ERBB4: variants seen among roughly 807,000 people sequenced by gnomAD.
The protein encoded by ERBB4 is receptor tyrosine-protein kinase erbB-4.
Under a neutral mutation model 158.0 loss-of-function variants are expected in ERBB4, and 42 were observed. That is an observed-to-expected ratio of 0.27 (90% CI 0.21 to 0.34). The LOEUF is 0.34. ERBB4 is among the 10% of genes least tolerant of loss of function. The pLI, the probability that ERBB4 is intolerant of heterozygous loss-of-function variation, is 1.00. For missense variants in ERBB4, 1,333 were observed against 1,624.1 expected (o/e 0.82, Z 3.08); for synonymous variants, 583 against 558.7 (o/e 1.04, Z -0.61).
intron 19 of ERBB4, among the ~76,000 whole-genome samples, chr2:211,580,866 C>CATATATAT (rs56892079): frequency 3.4e-4 from 22 of 64,160 alleles, no homozygotes; most frequent in Non-Finnish European, 4.4e-4. Flanking sequence ...TATGCATATA[C>CATATATAT]ATATATATAT....
At chr2:211,455,144 T>A (rs1230279324) in intron 20 of ERBB4, among the ~76,000 whole-genome samples, 1 of 152,254 alleles carries the variant, frequency 6.6e-6, no homozygotes, top group African/African-American at 2.4e-5. Context: ...GAAATTACTC[T>A]GTTTTAATAT....
Position 211,438,203 on chromosome 2 carries a change from T to A in ERBB4, c.2488-7103A>T, listed in dbSNP as rs545358482. Among the ~76,000 whole-genome samples the A allele has an allele frequency of 7.9e-5, 12 of 152,300 alleles. No homozygotes were observed. In the East Asian group the frequency reaches 2.1e-3, roughly 27 times the overall value. On this transcript the variant is annotated intron_variant, in intron 20 of 27. Coordinates refer to ENST00000342788, the MANE Select transcript of ERBB4 (RefSeq NM_005235.3). ...GGATTGGCCGAAATGATCTCTGAGG[T>A]TACTGCTAGCTTTAAATTTTTATTC...
chr2:211,857,667 C>T (rs1391230863), intron 3 of ERBB4, among the ~76,000 whole-genome samples: 2 of 152,132 alleles, frequency 1.3e-5, no homozygotes, highest in Non-Finnish European at 2.9e-5. Flanking sequence ...AGCATCCTTT[C>T]AAATAAATTA....
intron 26 of ERBB4, among the ~76,000 whole-genome samples, 164 bp from the exon 27 acceptor site, chr2:211,387,314 A>T (rs2062707466): frequency 6.6e-6 from 1 of 152,216 alleles, no homozygotes; most frequent in African/African-American, 2.4e-5. Flanking sequence ...AACTATAAAC[A>T]CCTAAAATTT....
intron 2 of ERBB4, among the ~76,000 whole-genome samples, chr2:212,083,149 ATG>A (rs1221233960): frequency 6.6e-6 from 1 of 152,076 alleles, no homozygotes; most frequent in Non-Finnish European, 1.5e-5. Flanking sequence ...AGATCAAATT[ATG>A]TCAAACAAAC....
rs1240419134 is a variant in ERBB4, at chr2:211,687,236, C to T, written c.1490-8052G>A. On this transcript the variant is annotated intron_variant, in intron 12 of 27. Transcript: ENST00000342788. ...AGAAGAATGGCGTGAACCCAGGAGG[C>T]GGAGCTTGCAGTGAGCCGAGATCGC... Among the ~76,000 whole-genome samples the T allele has an allele frequency of 3.4e-5, 5 of 147,046 alleles. No individual in the cohort carries two copies. In the East Asian group the frequency reaches 6.1e-4, roughly 18 times the overall value.
chr2:212,156,265 A>G (rs2081032887), intron 1 of ERBB4, among the ~76,000 whole-genome samples: 1 of 152,028 alleles, frequency 6.6e-6, no homozygotes, highest in Non-Finnish European at 1.5e-5. Flanking sequence ...AAGTGGGGGA[A>G]AAAAAGGAAA....
At chr2:212,137,697 C>T (rs1332943858) in intron 1 of ERBB4, among the ~76,000 whole-genome samples, 1 of 151,988 alleles carries the variant, frequency 6.6e-6, no homozygotes, top group Non-Finnish European at 1.5e-5. Flanking sequence ...CCCAGTAATG[C>T]GATTGCTGGA....
chr2:211,478,628 A>T (rs936136255), intron 20 of ERBB4, among the ~76,000 whole-genome samples: 1 of 152,174 alleles, frequency 6.6e-6, no homozygotes, highest in African/African-American at 2.4e-5. Context: ...TTAAGCAAAT[A>T]AAACACCACT....
chr2:211,985,855 T>C (rs1054643111), intron 2 of ERBB4, among the ~76,000 whole-genome samples: 1 of 152,142 alleles, frequency 6.6e-6, no homozygotes, highest in Non-Finnish European at 1.5e-5. Context: ...CATTTTAAAA[T>C]GTTGTATCGA....
Position 211,381,095 on chromosome 2 carries a change from C to G in ERBB4, c.*2520G>C. 4.3e-6 allele frequency: 1 copy of G among 232,452 alleles called. No individual in the cohort carries two copies. Among genetic ancestry groups the G allele is most frequent in the Non-Finnish European group, 8.5e-6 (1 of 117,608 alleles). 14.4% of individuals were successfully genotyped at this position (232,452 alleles called of 1,614,324 possible). A position where few individuals can be genotyped will look rare whatever the true frequency, so the allele number is the denominator to read the frequency against. On this transcript the variant is annotated 3_prime_UTR_variant, in exon 28 of 28. Coordinates refer to ENST00000342788, the MANE Select transcript of ERBB4 (RefSeq NM_005235.3). ...AGACTTCTCTGAATGGATAGGAGAG[C>G]CCTGAGCTATTAGATTGTGGCCCCT...
chr2:211,805,565 G>A (rs1408868855), intron 3 of ERBB4, among the ~76,000 whole-genome samples: 1 of 152,116 alleles, frequency 6.6e-6, no homozygotes, highest in Non-Finnish European at 1.5e-5. Flanking sequence ...TGGCCTCTTC[G>A]CCAAACCATG....
At chr2:212,390,881 A>G (rs969446948) in intron 1 of ERBB4, among the ~76,000 whole-genome samples, 3 of 151,862 alleles carry the variant, frequency 2.0e-5, no homozygotes. Context: ...GCACAGTTTT[A>G]TTGTGAATAT....
At chr2:212,064,735 C>T (rs1197457471) in intron 2 of ERBB4, among the ~76,000 whole-genome samples, 1 of 151,758 alleles carries the variant, frequency 6.6e-6, no homozygotes, top group Admixed American at 6.6e-5. Flanking sequence ...TAGGCATTGA[C>T]ACATAGGAAG....
chr2:211,540,261 C>T (rs780493195), intron 20 of ERBB4, among the ~76,000 whole-genome samples: 5 of 151,390 alleles, frequency 3.3e-5, no homozygotes, highest in Non-Finnish European at 7.4e-5. Context: ...TTATTTTGAG[C>T]ACCTGTGCTG....
At chr2:211,956,860 A>T (rs1300309291) in intron 2 of ERBB4, among the ~76,000 whole-genome samples, 2 of 152,020 alleles carry the variant, frequency 1.3e-5, no homozygotes, top group East Asian at 1.9e-4. Flanking sequence ...TATGAGACAG[A>T]TTCTTGCTCT....
At chr2:212,329,012 T>C (rs754233031) in intron 1 of ERBB4, among the ~76,000 whole-genome samples, 1 of 152,086 alleles carries the variant, frequency 6.6e-6, no homozygotes, top group African/African-American at 2.4e-5. Context: ...AAATGCCTTA[T>C]GTTTATCCCA....
At chr2:212,303,079 G>A (rs1304365920) in intron 1 of ERBB4, among the ~76,000 whole-genome samples, 1 of 151,172 alleles carries the variant, frequency 6.6e-6, no homozygotes, top group Non-Finnish European at 1.5e-5. Context: ...TTAGGTGGAG[G>A]AAGATTCACA....
At chr2:212,412,109 C>T (rs1028127616) in intron 1 of ERBB4, among the ~76,000 whole-genome samples, 1 of 152,188 alleles carries the variant, frequency 6.6e-6, no homozygotes, top group Non-Finnish European at 1.5e-5. Context: ...AAGAATCATG[C>T]CCACACCCAT....
Sources: allele counts gnomAD v4.1 joint callset (sites outside exome capture counted in the v4.1 genomes callset), GRCh38; gene constraint gnomAD v4.1.1; transcripts MANE v1.5; gene names NCBI Gene and HGNC (gene_info 2026-07-23, HGNC 2026-07-21).